NTM: variants seen among roughly 807,000 people sequenced by gnomAD.
The protein encoded by NTM is neurotrimin.
A neutral mutation model predicts 42.1 loss-of-function variants in NTM; 13 were observed. The ratio of observed to expected loss-of-function variants is 0.31; its 90% confidence interval spans 0.20 to 0.49. The LOEUF (loss-of-function observed/expected upper bound fraction) is 0.49. Ranked by LOEUF, NTM falls within the 20% of genes least tolerant of loss-of-function variation. The probability of loss-of-function intolerance (pLI) is 0.99; values close to 1 mark genes in which losing one functional copy is unlikely to be tolerated. For missense variants in NTM, 373 were observed against 452.8 expected, an observed-to-expected ratio of 0.82 and a Z score of 1.60; for synonymous variants, 187 against 179.2, an observed-to-expected ratio of 1.04 and a Z score of -0.35.
At position 131,612,282 on chromosome 11, in the gene NTM, G is replaced by A. The variant is rs139802536; in HGVS notation, c.82+241394G>A. On this transcript the variant is annotated intron_variant, in intron 1 of 8. Transcript: ENST00000683400. ...CCCTGAAGCAGAACTGCTCAGCCAG[G>A]CTGCTGCTGAATGCCTGCCCCACAG... is the stretch of plus-strand genomic sequence containing the variant. Among the ~76,000 whole-genome samples, 526 of 152,342 alleles carry A rather than the reference G, an allele frequency of 3.5e-3. 5 individuals carry two copies. Among genetic ancestry groups the A allele is most frequent in the African/African-American group, 0.012 (486 of 41,582 alleles).
At chr11:131,917,551 A>G (rs1397307458) in intron 2 of NTM, among the ~76,000 whole-genome samples, 2 of 152,106 alleles carry the variant, frequency 1.3e-5, no homozygotes, top group African/African-American at 2.4e-5. Flanking sequence ...ATGATAGTCA[A>G]CTCCAGGGAA....
Position 131,984,274 on chromosome 11 carries a change from G to A in NTM, c.167+72626G>A, listed in dbSNP as rs374298221. Reference sequence around the variant, plus strand: ...CCATGGCTGTTTATGGATCACTGACGTATAACTGAAAAGATTGCCACCCCT... The same window carrying A: ...CCATGGCTGTTTATGGATCACTGACATATAACTGAAAAGATTGCCACCCCT... On this transcript the variant is annotated intron_variant, in intron 2 of 8. Transcript: ENST00000683400. Among the ~76,000 whole-genome samples the A allele has an allele frequency of 1.6e-4, 25 of 152,216 alleles. No homozygotes were observed. In the East Asian group the frequency reaches 2.7e-3, roughly 16 times the overall value.
Position 131,485,073 on chromosome 11 carries a change from A to G in NTM, c.82+114185A>G, listed in dbSNP as rs2324511. Among the ~76,000 whole-genome samples the G allele has an allele frequency of 0.015, 2,310 of 152,310 alleles. 124 individuals are homozygous for G. The East Asian group carries it at 0.19, about 12-fold the overall frequency. ...TTAAAGCAATTAGCATAGAGTCTGT[A>G]GTATTCAATGCCCAATAACCACTTG... is the stretch of plus-strand genomic sequence containing the variant. On this transcript the variant is annotated intron_variant, in intron 1 of 8. Transcript: ENST00000683400.
At chr11:131,521,839 G>C (rs1171217100) in intron 1 of NTM, among the ~76,000 whole-genome samples, 1 of 152,082 alleles carries the variant, frequency 6.6e-6, no homozygotes, top group Non-Finnish European at 1.5e-5. Context: ...CCTGTCCTCA[G>C]AATGTAATTA....
At chr11:131,491,849 T>G (rs142617214) in intron 1 of NTM, among the ~76,000 whole-genome samples, 1 of 152,206 alleles carries the variant, frequency 6.6e-6, no homozygotes, top group Non-Finnish European at 1.5e-5. Context: ...TCAGATCTGG[T>G]GAAGATCTGG....
chr11:132,170,169 A>G (rs2075921549), intron 3 of NTM, among the ~76,000 whole-genome samples: 1 of 152,186 alleles, frequency 6.6e-6, no homozygotes, highest in African/African-American at 2.4e-5. Flanking sequence ...CAATGTGAAG[A>G]TCAGGGTGGA....
At chr11:132,300,669 G>A (rs1452694899) in intron 4 of NTM, among the ~76,000 whole-genome samples, 4 of 152,162 alleles carry the variant, frequency 2.6e-5, no homozygotes, top group African/African-American at 9.7e-5. Context: ...GGGTTATGTG[G>A]GTAGCTCCCA....
At chr11:131,615,940 A>G (rs2061887562) in intron 1 of NTM, among the ~76,000 whole-genome samples, 1 of 152,234 alleles carries the variant, frequency 6.6e-6, no homozygotes, top group Admixed American at 6.5e-5. Context: ...GGCGTAGCCT[A>G]GAGTCCTTCC....
intron 2 of NTM, among the ~76,000 whole-genome samples, chr11:132,041,093 A>G (rs922072337): frequency 1.4e-4 from 21 of 152,174 alleles, no homozygotes; most frequent in Admixed American, 1.3e-3. Context: ...TTTAAAAAGA[A>G]CTGTTGCAGT....
chr11:132,177,151 A>C (rs752720556), intron 3 of NTM, among the ~76,000 whole-genome samples: 1 of 152,220 alleles, frequency 6.6e-6, no homozygotes, highest in African/African-American at 2.4e-5. Flanking sequence ...GAAGGTGATT[A>C]TCAGCATTTT....
intron 2 of NTM, among the ~76,000 whole-genome samples, chr11:131,928,765 C>T (rs1033671848): frequency 2.0e-5 from 3 of 152,162 alleles, no homozygotes; most frequent in Admixed American, 6.5e-5. Flanking sequence ...TGTGGTCTCC[C>T]GTCTGTGTTT....
intron 2 of NTM, among the ~76,000 whole-genome samples, chr11:132,123,142 G>A (rs1044723645): frequency 2.0e-5 from 3 of 152,120 alleles, no homozygotes; most frequent in African/African-American, 7.2e-5. Flanking sequence ...CAATGAGGCT[G>A]CTCAACTGCC....
intron 4 of NTM, among the ~76,000 whole-genome samples, chr11:132,268,327 T>C (rs1039940295): frequency 6.6e-6 from 1 of 152,122 alleles, no homozygotes; most frequent in African/African-American, 2.4e-5. Flanking sequence ...GTATACACTA[T>C]TATTTTATTT....
chr11:131,570,881 A>G (rs1339734490), intron 1 of NTM, among the ~76,000 whole-genome samples: 2 of 152,260 alleles, frequency 1.3e-5, no homozygotes, highest in African/African-American at 4.8e-5. Context: ...ATTGCCTATT[A>G]CATGCTAGGC....
At chr11:131,999,807 G>A (rs1429987029) in intron 2 of NTM, among the ~76,000 whole-genome samples, 2 of 152,260 alleles carry the variant, frequency 1.3e-5, no homozygotes, top group African/African-American at 2.4e-5. Context: ...GCTGATCAAA[G>A]CATTCATTAA....
chr11:132,171,153 C>T (rs1021898249), intron 3 of NTM, among the ~76,000 whole-genome samples: 1 of 152,190 alleles, frequency 6.6e-6, no homozygotes, highest in African/African-American at 2.4e-5. Flanking sequence ...TCACTTATCT[C>T]TTCAGATGTT....
chr11:131,549,392 T>G (rs1368072574), intron 1 of NTM, among the ~76,000 whole-genome samples: 1 of 152,216 alleles, frequency 6.6e-6, no homozygotes, highest in Admixed American at 6.5e-5. Context: ...ATTTTTGAAT[T>G]AAATTTTTTT....
At chr11:131,913,538 T>C in intron 2 of NTM, among the ~76,000 whole-genome samples, 1 of 152,166 alleles carries the variant, frequency 6.6e-6, no homozygotes, top group Admixed American at 6.5e-5. Flanking sequence ...TAGGAGGAGC[T>C]TCTTTTTGAA....
At chr11:132,268,631 G>GTA in intron 4 of NTM, among the ~76,000 whole-genome samples, 1 of 149,914 alleles carries the variant, frequency 6.7e-6, no homozygotes, top group Non-Finnish European at 1.5e-5. Flanking sequence ...GTGTGTGTGT[G>GTA]TATGTGTGTG....
Sources: gnomAD v4.1 joint callset for allele counts (sites outside exome capture counted in the v4.1 genomes callset) on GRCh38, gnomAD v4.1.1 for gene constraint, MANE v1.5 for transcripts, NCBI Gene and HGNC (gene_info 2026-07-23, HGNC 2026-07-21) for gene names.